Variants in AP1G1 observed in about 807,000 individuals in gnomAD.
AP1G1 encodes the protein adaptor related protein complex 1 subunit gamma 1, also known as AP-1 complex subunit gamma-1.
AP1G1 carries 7 observed loss-of-function variants against 108.3 expected under a neutral mutation model. That is an observed-to-expected ratio of 0.06 (90% confidence interval 0.04 to 0.12). The LOEUF (loss-of-function observed/expected upper bound fraction) is 0.12. AP1G1 is among the 10% of genes least tolerant of loss of function. The pLI is 1.00. For missense variants in AP1G1, 756 were observed against 1,010.7 expected (o/e 0.75, Z 3.42); for synonymous variants, 379 against 353.5 (o/e 1.07, Z -0.81).
intron 12 of AP1G1, among the ~76,000 whole-genome samples, chr16:71,755,346 A>G (rs2030725666): frequency 6.6e-6 from 1 of 152,078 alleles, no homozygotes; most frequent in African/African-American, 2.4e-5. Flanking sequence ...CTGAGGCAGG[A>G]GGATCCCCTG....
In AP1G1 at chr16:71,808,504, C is replaced by G. The variant is rs1392451669; in HGVS notation, c.-4+259G>C. The G allele has an allele frequency of 1.1e-5, 14 of 1,256,782 alleles. No homozygotes were observed. In the East Asian group the frequency reaches 5.7e-4, roughly 51 times the overall value. The allele number at this position is 1,256,782 out of a possible 1,614,324, so 77.9% of individuals were successfully genotyped here. A position where few individuals can be genotyped will look rare whatever the true frequency, so the allele number is the denominator to read the frequency against. ...AGTCAAGGGTTCAAGGAGGCCCGTA[C>G]CGGCGGGGCAACGCCACAACACGGA... On this transcript the variant is annotated intron_variant, in intron 1 of 22. Transcript: ENST00000299980.
intron 6 of AP1G1, among the ~76,000 whole-genome samples, chr16:71,768,500 CAAA>C (rs527404594): frequency 1.2e-5 from 1 of 83,732 alleles, no homozygotes; most frequent in African/African-American, 4.9e-5. Flanking sequence ...GACTCCGCCA[CAAA>C]AAAAAAAAAA....
chr16:71,799,605 T>A, intron 1 of AP1G1, among the ~76,000 whole-genome samples: 1 of 151,712 alleles, frequency 6.6e-6, no homozygotes, highest in Non-Finnish European at 1.5e-5. Context: ...TCATCTCTTA[T>A]TAAAAAACTA....
intron 1 of AP1G1, among the ~76,000 whole-genome samples, chr16:71,795,049 G>C (rs1050796978): frequency 2.0e-5 from 3 of 151,838 alleles, no homozygotes; most frequent in African/African-American, 7.2e-5. Context: ...ACAAAATAAA[G>C]GTGTACCAGC....
intron 13 of AP1G1, among the ~76,000 whole-genome samples, chr16:71,750,751 C>T (rs1205738061): frequency 6.6e-6 from 1 of 151,966 alleles, no homozygotes; most frequent in Non-Finnish European, 1.5e-5. Context: ...TACCAGAAAA[C>T]ACCCTCAAAG....
At chr16:71,803,648 T>A (rs2032887775) in intron 1 of AP1G1, among the ~76,000 whole-genome samples, 1 of 152,022 alleles carries the variant, frequency 6.6e-6, no homozygotes, top group African/African-American at 2.4e-5. Flanking sequence ...AAAGTAAAAA[T>A]GACACCTCAT....
chr16:71,748,202 T>G (rs184359436), intron 16 of AP1G1, 49 bp downstream of exon 16: 1 of 1,575,606 alleles, frequency 6.3e-7, no homozygotes, highest in Non-Finnish European at 8.6e-7. Flanking sequence ...TTTTTTTTGT[T>G]TTTTAATTAC....
rs554580945 is a variant in AP1G1, at chr16:71,731,329, A to C, written c.*1729T>G. 1 of 152,776 alleles carries C rather than the reference A, an allele frequency of 6.5e-6. No homozygotes were observed. Among genetic ancestry groups the C allele is most frequent in the East Asian group, 1.9e-4 (1 of 5,184 alleles). The allele number at this position is 152,776 out of a possible 1,614,324, so 9.5% of individuals were successfully genotyped here. On this transcript the variant is annotated 3_prime_UTR_variant, in exon 23 of 23. Transcript: ENST00000299980. ...CCCGTGGAGCCTTTAGTTCAACTCC[A>C]GTTTGTCAAATGTTAGGAATATTCC... is the stretch of plus-strand genomic sequence containing the variant.
chr16:71,755,917 T>A (rs899059374), intron 12 of AP1G1, 102 bp downstream of exon 12: 72 of 1,304,200 alleles, frequency 5.5e-5, no homozygotes, highest in Non-Finnish European at 6.4e-6. Context: ...CTGCTGAGAC[T>A]GCAGGCGTGT....
chr16:71,780,764 G>C (rs2031983748), intron 2 of AP1G1, among the ~76,000 whole-genome samples: 1 of 151,806 alleles, frequency 6.6e-6, no homozygotes. Context: ...TGCTGCCTCA[G>C]CCTCCCAAGT....
intron 17 of AP1G1, among the ~76,000 whole-genome samples, chr16:71,746,042 G>GC (rs2030158885): frequency 6.6e-6 from 1 of 151,536 alleles, no homozygotes; most frequent in African/African-American, 2.4e-5. Flanking sequence ...ACAGAGTCTT[G>GC]CTCTGTCGCC....
At chr16:71,801,996 T>C (rs1224689396) in intron 1 of AP1G1, among the ~76,000 whole-genome samples, 1 of 151,204 alleles carries the variant, frequency 6.6e-6, no homozygotes, top group Non-Finnish European at 1.5e-5. Flanking sequence ...GGATTAGGGA[T>C]GTACAAGTGG....
intron 16 of AP1G1, 35 bp from the exon 17 acceptor site, chr16:71,746,727 A>G (rs1185439184): frequency 6.7e-7 from 1 of 1,501,692 alleles, no homozygotes; most frequent in South Asian, 1.2e-5. Flanking sequence ...TAAAATACCC[A>G]AAAGAAAATT....
chr16:71,764,283 T>C (rs998186699), intron 9 of AP1G1, 67 bp downstream of exon 9: 2 of 883,336 alleles, frequency 2.3e-6, no homozygotes, highest in Non-Finnish European at 1.7e-6. Flanking sequence ...TCTGAAGTAC[T>C]GAAGTCCAAG....
chr16:71,777,631 C>T, intron 2 of AP1G1: 1 of 452,628 alleles, frequency 2.2e-6, no homozygotes, highest in South Asian at 1.6e-5. Flanking sequence ...CTGTCTTCTA[C>T]TGCTAGGGAT....
chr16:71,777,698 T>G (rs1001200855), intron 2 of AP1G1: 5 of 457,242 alleles, frequency 1.1e-5, no homozygotes, highest in Admixed American at 9.8e-5. Flanking sequence ...ATCATCTCCT[T>G]CTTCCTCTTC....
chr16:71,806,698 C>A (rs2033009032), intron 1 of AP1G1: 1 of 1,288,070 alleles, frequency 7.8e-7, no homozygotes, highest in Non-Finnish European at 1.0e-6. Context: ...AATGAGTGAG[C>A]ATTACATAGG....
At chr16:71,739,411 A>T in intron 19 of AP1G1, 70 bp from the exon 20 acceptor site, 2 of 1,255,484 alleles carry the variant, frequency 1.6e-6, no homozygotes, top group South Asian at 3.1e-5. Context: ...AATTATAGGG[A>T]AAATTATTTC....
chr16:71,777,788 T>A (rs1239563321), intron 2 of AP1G1: 1 of 427,992 alleles, frequency 2.3e-6, no homozygotes, highest in Non-Finnish European at 4.8e-6. Flanking sequence ...CTCCTTCAGG[T>A]CCTTGGTGCC....
Sources: allele counts gnomAD v4.1 joint callset (sites outside exome capture counted in the v4.1 genomes callset), GRCh38; gene constraint gnomAD v4.1.1; transcripts MANE v1.5; gene names NCBI Gene and HGNC (gene_info 2026-07-23, HGNC 2026-07-21).